Variants in FYB1 observed in about 807,000 individuals in gnomAD.
The protein encoded by FYB1 is FYN-binding protein 1.
In FYB1, 41 loss-of-function variants were observed where a neutral mutation model predicts 94.1. The observed-to-expected ratio is 0.44, with a 90% CI of 0.34 to 0.57. The LOEUF is 0.57. Ranked by LOEUF, FYB1 falls within the 20% of genes least tolerant of loss-of-function variation. The pLI, the probability that FYB1 is intolerant of heterozygous loss-of-function variation, is 0.02. For missense variants in FYB1, 1,050 were observed against 976.8 expected, an observed-to-expected ratio of 1.07 and a Z score of -1.00; for synonymous variants, 367 against 353.2, an observed-to-expected ratio of 1.04 and a Z score of -0.44.
intron 1 of FYB1, among the ~76,000 whole-genome samples, chr5:39,248,427 G>C (rs1329589042): frequency 1.3e-5 from 2 of 152,180 alleles, no homozygotes; most frequent in Non-Finnish European, 2.9e-5. Flanking sequence ...CTTAGAAAAA[G>C]TGACACTTAG....
At chr5:39,186,242 G>T (rs1417502888) in intron 2 of FYB1, among the ~76,000 whole-genome samples, 1 of 152,154 alleles carries the variant, frequency 6.6e-6, no homozygotes, top group African/African-American at 2.4e-5. Flanking sequence ...TGGCCAACAT[G>T]GTGAAACCCC....
chr5:39,172,396 A>G (rs1745328994), intron 2 of FYB1, among the ~76,000 whole-genome samples: 1 of 152,122 alleles, frequency 6.6e-6, no homozygotes, highest in Non-Finnish European at 1.5e-5. Flanking sequence ...CAGTGAGCCG[A>G]GATCATGCCA....
chr5:39,219,446 A>T lies in FYB1; in HGVS notation c.-31T>A. On this transcript the variant is annotated 5_prime_UTR_variant, in exon 1 of 19. Coordinates refer to ENST00000512982, the MANE Select transcript of FYB1 (RefSeq NM_001465.6). ...GAAACCTAGGCATAGCTGTTACCTG[A>T]CTCCTGCAGAAGAAGGCGGAAGGAT... 1 of 985,320 alleles carries T rather than the reference A, an allele frequency of 1.0e-6. No individual in the cohort carries two copies. Among genetic ancestry groups the T allele is most frequent in the Non-Finnish European group, 1.2e-6 (1 of 829,898 alleles). The allele number at this position is 985,320 out of a possible 1,614,324, so 61.0% of individuals were successfully genotyped here.
intron 1 of FYB1, among the ~76,000 whole-genome samples, chr5:39,257,243 G>A (rs1751977153): frequency 6.6e-6 from 1 of 152,122 alleles, no homozygotes; most frequent in South Asian, 2.1e-4. Flanking sequence ...AATTTTTTAT[G>A]AGAAAAGTTA....
At chr5:39,108,969 G>A (rs944237287) in intron 17 of FYB1, among the ~76,000 whole-genome samples, 4 of 152,052 alleles carry the variant, frequency 2.6e-5, no homozygotes. Context: ...TAAGAGACAA[G>A]CTTTGCTTTT....
At chr5:39,195,127 C>T (rs1005373687) in intron 2 of FYB1, among the ~76,000 whole-genome samples, 5 of 152,094 alleles carry the variant, frequency 3.3e-5, no homozygotes, top group East Asian at 1.9e-4. Context: ...GTCTGTGAGC[C>T]GTTTCAGTCA....
intron 2 of FYB1, among the ~76,000 whole-genome samples, chr5:39,160,584 T>C (rs1439541431): frequency 6.6e-6 from 1 of 152,214 alleles, no homozygotes; most frequent in Non-Finnish European, 1.5e-5. Context: ...GCTGAAGTTA[T>C]TGAGGCCAGG....
At chr5:39,199,069 T>C (rs260079) in intron 2 of FYB1, among the ~76,000 whole-genome samples, 7,136 of 151,824 alleles carry the variant, frequency 0.047, 523 homozygotes, top group African/African-American at 0.16. Context: ...AGACTGTACG[T>C]ACAATATACC....
At chr5:39,127,257 G>T (rs1414193580) in intron 11 of FYB1, among the ~76,000 whole-genome samples, 1 of 151,272 alleles carries the variant, frequency 6.6e-6, no homozygotes, top group Non-Finnish European at 1.5e-5. Flanking sequence ...AGGTAGCATA[G>T]GTCTCAATTT....
chr5:39,238,964 T>C (rs1241679717), intron 1 of FYB1, among the ~76,000 whole-genome samples: 2 of 151,982 alleles, frequency 1.3e-5, no homozygotes, highest in East Asian at 1.9e-4. Flanking sequence ...GACTTATGTG[T>C]AAGTGGATCA....
chr5:39,112,646 G>C (rs892513619), intron 16 of FYB1, among the ~76,000 whole-genome samples: 1 of 151,914 alleles, frequency 6.6e-6, no homozygotes, highest in Admixed American at 6.6e-5. Context: ...TGCAGGTTTG[G>C]ATAAAACACT....
At chr5:39,265,054 G>C (rs1752368903) in intron 1 of FYB1, among the ~76,000 whole-genome samples, 1 of 152,174 alleles carries the variant, frequency 6.6e-6, no homozygotes, top group South Asian at 2.1e-4. Flanking sequence ...GCACATTTTT[G>C]GCCGGGTTCG....
intron 1 of FYB1, among the ~76,000 whole-genome samples, chr5:39,217,914 G>A (rs2150546054): frequency 6.6e-6 from 1 of 152,272 alleles, no homozygotes; most frequent in South Asian, 2.1e-4. Flanking sequence ...GCACATTGAG[G>A]CTGGTAAAAG....
intron 16 of FYB1, among the ~76,000 whole-genome samples, chr5:39,111,226 G>T (rs557413028): frequency 6.6e-5 from 10 of 151,844 alleles, no homozygotes; most frequent in Admixed American, 2.6e-4. Context: ...CTTTGGAATT[G>T]TTAGTTTTGT....
intron 1 of FYB1, among the ~76,000 whole-genome samples, chr5:39,208,447 A>G (rs763694600): frequency 9.2e-5 from 14 of 152,230 alleles, no homozygotes; most frequent in Non-Finnish European, 1.8e-4. Flanking sequence ...ATTTTTTACC[A>G]TACGTGGAGT....
chr5:39,153,512 G>A lies in FYB1; in HGVS notation c.1228C>T (p.His410Tyr). The A allele has an allele frequency of 6.2e-7, 1 of 1,613,944 alleles. No homozygotes were observed. The highest frequency in any genetic ancestry group is 8.5e-7 in the Non-Finnish European group (1 of 1,179,854). The change falls in exon 3 of 19, where the codon CAC becomes TAC. Residue 410 changes from histidine to tyrosine, a missense_variant. Coordinates refer to ENST00000512982, the MANE Select transcript of FYB1 (RefSeq NM_001465.6). ...CTTGGGACTGGTGGTTGTGATGGGT[G>A]AGATGCTGGCAATGGTGGTTGGCTG... Reference protein sequence around the residue: ...PASQPPLPASHPSQPPVPSLP... With the variant: ...PASQPPLPASYPSQPPVPSLP...
chr5:39,142,574 T>C (rs2150335769), intron 3 of FYB1, among the ~76,000 whole-genome samples: 1 of 152,322 alleles, frequency 6.6e-6, no homozygotes, highest in South Asian at 2.1e-4. Context: ...ATTCTTTGTT[T>C]TCTCCCTCAG....
intron 13 of FYB1, 58 bp from the exon 14 acceptor site, chr5:39,122,460 G>T: frequency 1.0e-6 from 1 of 976,180 alleles, no homozygotes; most frequent in Non-Finnish European, 1.6e-6. Context: ...TTTGATATGA[G>T]CATTCAATGA....
rs752002051 is a variant in FYB1 at position 39,135,002 on chromosome 5, T to A, written c.1528A>T (p.Ile510Phe). 7.4e-6 allele frequency: 12 copies of A among 1,613,016 alleles called. No individual in the cohort carries two copies. The Admixed American group carries it at 1.0e-4, about 13-fold the overall frequency. ...GCTTTTGCAAGATGGATGACTTGAA[T>A]AGGGCCTGTTAGCTGCAAAGAGAAA... ...IKKKFKLTGP[I>F]QVIHLAKACC... Residue 510 changes from isoleucine (I) to phenylalanine (F), a missense_variant, in exon 8 of 19, where the codon ATT becomes TTT. Coordinates refer to ENST00000512982, the MANE Select transcript of FYB1 (RefSeq NM_001465.6).
Sources: gnomAD v4.1 joint callset for allele counts (sites outside exome capture counted in the v4.1 genomes callset) on GRCh38, gnomAD v4.1.1 for gene constraint, MANE v1.5 for transcripts, NCBI Gene and HGNC (gene_info 2026-07-23, HGNC 2026-07-21) for gene names.